Variants in SOX5 observed in about 807,000 individuals in gnomAD.
SOX5 encodes the protein SRY-box transcription factor 5, also known as transcription factor SOX-5.
SOX5 carries 9 observed loss-of-function variants against 92.0 expected under a neutral mutation model. That is an observed-to-expected ratio of 0.10 (90% confidence interval 0.06 to 0.17). The LOEUF (loss-of-function observed/expected upper bound fraction) is 0.17. Ranked by LOEUF, SOX5 falls within the 10% of genes least tolerant of loss-of-function variation. The pLI, the probability that SOX5 is intolerant of heterozygous loss-of-function variation, is 1.00. For missense variants in SOX5, 642 were observed against 944.5 expected, an observed-to-expected ratio of 0.68 and a Z score of 4.20; for synonymous variants, 344 against 336.3, an observed-to-expected ratio of 1.02 and a Z score of -0.25.
intron 1 of SOX5, among the ~76,000 whole-genome samples, chr12:24,490,084 T>C (rs772200447): frequency 1.8e-4 from 27 of 152,348 alleles, no homozygotes; most frequent in Non-Finnish European, 2.9e-4. Flanking sequence ...GCAGACTTCA[T>C]ACATTCAGCG....
intron 3 of SOX5, among the ~76,000 whole-genome samples, chr12:24,216,835 G>A (rs1056605297): frequency 4.6e-5 from 7 of 152,264 alleles, no homozygotes; most frequent in East Asian, 3.9e-4. Context: ...GGCTGAGGCC[G>A]GGGAATCACT....
At chr12:23,559,242 C>A (rs1047134480) in intron 11 of SOX5, among the ~76,000 whole-genome samples, 1 of 152,122 alleles carries the variant, frequency 6.6e-6, no homozygotes, top group Non-Finnish European at 1.5e-5. Flanking sequence ...GTGTTTTTTA[C>A]AAAACAAAAT....
chr12:23,547,110 C>T (rs139102082), intron 11 of SOX5, among the ~76,000 whole-genome samples: 20 of 152,072 alleles, frequency 1.3e-4, no homozygotes, highest in African/African-American at 4.1e-4. Context: ...ATGCAGTGCA[C>T]GATTCACATT....
chr12:24,239,783 C>T (rs1289385761), intron 3 of SOX5, among the ~76,000 whole-genome samples: 2 of 152,112 alleles, frequency 1.3e-5, no homozygotes, highest in African/African-American at 2.4e-5. Context: ...CATCTTAGAA[C>T]CAGTATAGGG....
chr12:23,552,931 C>A (rs534225093), intron 11 of SOX5, among the ~76,000 whole-genome samples: 1 of 152,054 alleles, frequency 6.6e-6, no homozygotes, highest in South Asian at 2.1e-4. Context: ...TATTTTGACA[C>A]ATATCTCACA....
At chr12:24,420,845 G>A (rs1965799292) in intron 1 of SOX5, among the ~76,000 whole-genome samples, 1 of 152,112 alleles carries the variant, frequency 6.6e-6, no homozygotes, top group South Asian at 2.1e-4. Context: ...AAACTTATCT[G>A]ATCAACTCTC....
chr12:23,997,562 C>T (rs1231840519), intron 4 of SOX5, among the ~76,000 whole-genome samples: 2 of 152,116 alleles, frequency 1.3e-5, no homozygotes, highest in South Asian at 2.1e-4. Flanking sequence ...AGCATAAGAT[C>T]GTGGAGAGAT....
At chr12:24,176,443 G>T (rs935167244) in intron 4 of SOX5, among the ~76,000 whole-genome samples, 1 of 152,150 alleles carries the variant, frequency 6.6e-6, no homozygotes, top group African/African-American at 2.4e-5. Context: ...GATGAGTAGA[G>T]AAACAGTATA....
At chr12:24,272,941 A>T (rs1943953835) in intron 3 of SOX5, among the ~76,000 whole-genome samples, 1 of 152,126 alleles carries the variant, frequency 6.6e-6, no homozygotes, top group Non-Finnish European at 1.5e-5. Context: ...ATTATGTAAC[A>T]TTAGACTTTG....
intron 1 of SOX5, among the ~76,000 whole-genome samples, chr12:23,940,732 A>G (rs546585066): frequency 3.5e-5 from 5 of 142,056 alleles, no homozygotes; most frequent in Non-Finnish European, 6.1e-5. Flanking sequence ...TTATTTACAG[A>G]GGAGATAAGT....
chr12:24,513,896 A>G (rs1949544903), intron 1 of SOX5, among the ~76,000 whole-genome samples: 1 of 152,216 alleles, frequency 6.6e-6, no homozygotes, highest in South Asian at 2.1e-4. Context: ...GACTTTTGCT[A>G]TTTTACAAGG....
intron 6 of SOX5, among the ~76,000 whole-genome samples, chr12:23,717,790 G>C (rs2092593421): frequency 6.6e-6 from 1 of 152,166 alleles, no homozygotes; most frequent in Non-Finnish European, 1.5e-5. Context: ...CACATCCTGA[G>C]GTTATTTTCT....
chr12:24,163,240 G>T (rs1952977795), intron 4 of SOX5, among the ~76,000 whole-genome samples: 1 of 152,188 alleles, frequency 6.6e-6, no homozygotes, highest in East Asian at 1.9e-4. Flanking sequence ...AAATGATAAA[G>T]CAATGATTAA....
chr12:24,010,585 T>C (rs1952799346), intron 4 of SOX5, among the ~76,000 whole-genome samples: 1 of 152,288 alleles, frequency 6.6e-6, no homozygotes, highest in Middle Eastern at 3.4e-3. Context: ...TATTAAAAAA[T>C]TGCCATTGCT....
At chr12:23,955,433 G>A (rs1273370674), upstream of SOX5, among the ~76,000 whole-genome samples, 1 of 152,184 alleles carries the variant, frequency 6.6e-6, no homozygotes, top group East Asian at 1.9e-4. Flanking sequence ...TCTAAAATAG[G>A]TTTCCTTGCC....
chr12:24,283,329 T>C (rs763128571), intron 2 of SOX5, among the ~76,000 whole-genome samples: 1 of 152,236 alleles, frequency 6.6e-6, no homozygotes, highest in African/African-American at 2.4e-5. Flanking sequence ...AGAATCCTGA[T>C]ATTGATCCTA....
chr12:24,338,840 A>G (rs1338858592), intron 2 of SOX5, among the ~76,000 whole-genome samples: 1 of 152,106 alleles, frequency 6.6e-6, no homozygotes, highest in African/African-American at 2.4e-5. Flanking sequence ...GCCTTCCATC[A>G]TGATTGTGAG....
chr12:23,688,251 C>A (rs1390470118), intron 6 of SOX5, among the ~76,000 whole-genome samples: 1 of 152,018 alleles, frequency 6.6e-6, no homozygotes, highest in Non-Finnish European at 1.5e-5. Context: ...TACCGAGCTG[C>A]ACTTGGAAAA....
At chr12:23,982,622 C>T (rs1224742382) in intron 4 of SOX5, among the ~76,000 whole-genome samples, 2 of 151,722 alleles carry the variant, frequency 1.3e-5, no homozygotes, top group East Asian at 1.9e-4. Context: ...TGTTACCTAC[C>T]CTAACTAACT....
Sources: allele counts gnomAD v4.1 joint callset (sites outside exome capture counted in the v4.1 genomes callset), GRCh38; gene constraint gnomAD v4.1.1; transcripts MANE v1.5; gene names NCBI Gene and HGNC (gene_info 2026-07-23, HGNC 2026-07-21).